PARD3B: variants seen among roughly 807,000 people sequenced by gnomAD.
PARD3B encodes the protein partitioning defective 3 homolog B.
In PARD3B, 103 loss-of-function variants were observed where a neutral mutation model predicts 130.2. The ratio of observed to expected loss-of-function variants is 0.79; its 90% confidence interval spans 0.67 to 0.93. The LOEUF is 0.93. Ranked by LOEUF, PARD3B falls within the 40% of genes least tolerant of loss-of-function variation. The pLI is 0.00. For missense variants in PARD3B, 1,609 were observed against 1,499.2 expected, an observed-to-expected ratio of 1.07 and a Z score of -1.21; for synonymous variants, 583 against 553.2, an observed-to-expected ratio of 1.05 and a Z score of -0.76.
chr2:204,727,027 C>T (rs886072270), intron 2 of PARD3B, among the ~76,000 whole-genome samples: 1 of 152,186 alleles, frequency 6.6e-6, no homozygotes, highest in Non-Finnish European at 1.5e-5. Context: ...CTGCTGTTCA[C>T]ATTTCTGACC....
chr2:205,359,919 A>G (rs538843592), intron 18 of PARD3B, among the ~76,000 whole-genome samples: 4 of 152,340 alleles, frequency 2.6e-5, no homozygotes, highest in African/African-American at 9.6e-5. Context: ...TACTACTGCC[A>G]GAAAAGAATA....
chr2:204,781,979 T>C (rs150000579), intron 2 of PARD3B, among the ~76,000 whole-genome samples: 12 of 152,228 alleles, frequency 7.9e-5, no homozygotes, highest in Admixed American at 3.9e-4. Context: ...TCTTGTTCTT[T>C]TTTACTCTAC....
At chr2:204,884,773 G>A (rs1053536850) in intron 2 of PARD3B, among the ~76,000 whole-genome samples, 1 of 152,112 alleles carries the variant, frequency 6.6e-6, no homozygotes, top group Non-Finnish European at 1.5e-5. Flanking sequence ...GAGGATAACG[G>A]CTTGTGGTCC....
At chr2:204,575,728 G>A (rs1276815112) in intron 1 of PARD3B, among the ~76,000 whole-genome samples, 9 of 152,234 alleles carry the variant, frequency 5.9e-5, no homozygotes, top group Non-Finnish European at 1.0e-4. Context: ...GTAATACACT[G>A]TTAGAGGTTG....
At position 204,545,800 on chromosome 2, in the gene PARD3B, C is replaced by T; in HGVS notation, c.-200C>T. On this transcript the variant is annotated 5_prime_UTR_variant, in exon 1 of 23. Transcript: ENST00000406610. ...GGGAGGTAACCCCTTTCCGCGGCCG[C>T]CCCTCCCCGATTCCCGCCACCTGCC... The T allele has an allele frequency of 3.8e-6, 2 of 522,600 alleles. No homozygotes were observed. Among genetic ancestry groups the T allele is most frequent in the Admixed American group, 4.4e-5 (1 of 22,516 alleles). 32.4% of individuals were successfully genotyped at this position (522,600 alleles called of 1,614,324 possible). A position where few individuals can be genotyped will look rare whatever the true frequency, so the allele number is the denominator to read the frequency against.
chr2:205,343,122 A>G (rs574594366), intron 18 of PARD3B, among the ~76,000 whole-genome samples: 10 of 152,300 alleles, frequency 6.6e-5, no homozygotes, highest in South Asian at 6.2e-4. Context: ...CATTATGACT[A>G]AGGTCGTCTT....
intron 18 of PARD3B, among the ~76,000 whole-genome samples, chr2:205,380,251 TAA>T (rs1388845290): frequency 0.012 from 335 of 27,230 alleles, 29 homozygotes; most frequent in African/African-American, 0.032. Flanking sequence ...ATATTATATA[TAA>T]TATATAAAGA....
At position 205,433,901 on chromosome 2, in the gene PARD3B, C is replaced by G. The variant is rs1469805980; in HGVS notation, c.2742-6469C>G. Among the ~76,000 whole-genome samples, 3 of 152,132 alleles carry G rather than the reference C, an allele frequency of 2.0e-5. No homozygotes were observed. The East Asian group carries it at 5.8e-4, about 29-fold the overall frequency. On this transcript the variant is annotated intron_variant, in intron 19 of 22. Coordinates refer to ENST00000406610, the MANE Select transcript of PARD3B (RefSeq NM_001302769.2). ...AAACCATAGTTTGATTATCCATTCT[C>G]CTGGTGATAAACAGCTGAATTTTAT... is the stretch of plus-strand genomic sequence containing the variant.
At chr2:205,066,008 T>C (rs1700350037) in intron 4 of PARD3B, among the ~76,000 whole-genome samples, 1 of 152,034 alleles carries the variant, frequency 6.6e-6, no homozygotes, top group African/African-American at 2.4e-5. Flanking sequence ...CAACAAAACC[T>C]TACCATCTCC....
chr2:205,543,561 T>C (rs552714601), intron 21 of PARD3B, among the ~76,000 whole-genome samples: 3 of 152,308 alleles, frequency 2.0e-5, no homozygotes, highest in South Asian at 4.1e-4. Flanking sequence ...ACTGCCAACA[T>C]ACGAGCAGCA....
Position 204,712,997 on chromosome 2 carries a change from T to C in PARD3B, c.222+26715T>C, listed in dbSNP as rs546446429. On this transcript the variant is annotated intron_variant, in intron 2 of 22. Transcript: ENST00000406610. Reference sequence around the variant, plus strand: ...TTCAGTCAATTTATTTTTGGATTCATCCACATTCATGCACGTAAGTTTGGC... The same window carrying C: ...TTCAGTCAATTTATTTTTGGATTCACCCACATTCATGCACGTAAGTTTGGC... Among the ~76,000 whole-genome samples the C allele has an allele frequency of 2.0e-5, 3 of 152,298 alleles. No homozygotes were observed. In the South Asian group the frequency reaches 6.2e-4, roughly 32 times the overall value.
chr2:204,828,109 A>G (rs2043661421), intron 2 of PARD3B, among the ~76,000 whole-genome samples: 1 of 152,042 alleles, frequency 6.6e-6, no homozygotes, highest in Non-Finnish European at 1.5e-5. Context: ...TTTCCTCAGC[A>G]CTCATTTGTT....
chr2:205,306,902 T>C (rs560740913), intron 18 of PARD3B, among the ~76,000 whole-genome samples: 1 of 152,306 alleles, frequency 6.6e-6, no homozygotes, highest in Non-Finnish European at 1.5e-5. Context: ...TCTTTCTTAT[T>C]TAAAAAAAGA....
intron 2 of PARD3B, among the ~76,000 whole-genome samples, chr2:204,929,487 T>C (rs1687867727): frequency 6.6e-6 from 1 of 152,168 alleles, no homozygotes; most frequent in South Asian, 2.1e-4. Context: ...TAAAAATTAC[T>C]GGGAAAGTCC....
intron 3 of PARD3B, among the ~76,000 whole-genome samples, chr2:205,044,744 T>G (rs1002221190): frequency 2.0e-5 from 3 of 152,114 alleles, no homozygotes; most frequent in Non-Finnish European, 4.4e-5. Context: ...TTCTCCCATT[T>G]TGTAGGTTGC....
At chr2:204,755,181 A>ACTCT (rs2040614079) in intron 2 of PARD3B, among the ~76,000 whole-genome samples, 1 of 152,004 alleles carries the variant, frequency 6.6e-6, no homozygotes, top group African/African-American at 2.4e-5. Context: ...GGTAGAAAGG[A>ACTCT]CTCTGCTAGT....
At chr2:205,376,213 G>T (rs368082923) in intron 18 of PARD3B, among the ~76,000 whole-genome samples, 1 of 152,076 alleles carries the variant, frequency 6.6e-6, no homozygotes, top group East Asian at 1.9e-4. Flanking sequence ...TGAGAAACAC[G>T]AGGCCACCAG....
intron 2 of PARD3B, among the ~76,000 whole-genome samples, chr2:204,749,986 C>G (rs562208194): frequency 1.3e-5 from 2 of 152,226 alleles, no homozygotes; most frequent in East Asian, 3.9e-4. Flanking sequence ...TAACACTCAT[C>G]TCTCTTGTCT....
Position 205,276,018 on chromosome 2 carries a change from G to C in PARD3B, c.2186-24512G>C, listed in dbSNP as rs1043645432. ...AAGCAGACACAGTAATCTCAGGTGT[G>C]TTCATATTATCATTATTTAGTCTGA... is the stretch of plus-strand genomic sequence containing the variant. On this transcript the variant is annotated intron_variant, in intron 16 of 22. Coordinates refer to ENST00000406610, the MANE Select transcript of PARD3B (RefSeq NM_001302769.2). The surrounding 1 kb of genome is among the most constrained non-coding windows in gnomAD (Gnocchi z 5.0). Among the ~76,000 whole-genome samples the C allele has an allele frequency of 7.2e-5, 11 of 152,008 alleles. No individual in the cohort carries two copies. Among genetic ancestry groups the C allele is most frequent in the Non-Finnish European group, 1.6e-4 (11 of 68,016 alleles).
Sources: allele counts gnomAD v4.1 joint callset (sites outside exome capture counted in the v4.1 genomes callset), GRCh38; gene constraint gnomAD v4.1.1; non-coding constraint Gnocchi (gnomAD v3.1); transcripts MANE v1.5; gene names NCBI Gene and HGNC (gene_info 2026-07-23, HGNC 2026-07-21).